Variants in PRR5 observed in about 807,000 individuals in gnomAD.
PRR5 encodes the protein proline-rich protein 5.
A neutral mutation model predicts 30.6 loss-of-function variants in PRR5; 25 were observed. The ratio of observed to expected loss-of-function variants is 0.82; its 90% confidence interval spans 0.60 to 1.14. The LOEUF (loss-of-function observed/expected upper bound fraction) is 1.14. Ranked by LOEUF, PRR5 falls within the 50% of genes most tolerant of loss-of-function variation. The pLI is 0.00. For synonymous variants in PRR5, 286 were observed against 247.1 expected (o/e 1.16, Z -1.48); for missense variants, 600 against 547.1 (o/e 1.10, Z -0.96).
At chr22:44,679,618 A>G in intron 1 of PRR5, 1 of 518,240 alleles carries the variant, frequency 1.9e-6, no homozygotes, top group East Asian at 3.3e-5. Context: ...GAGGGAGGAG[A>G]AGCACTTGAA....
intron 6 of PRR5, 81 bp downstream of exon 6, chr22:44,732,472 A>G: frequency 1.3e-6 from 2 of 1,532,012 alleles, no homozygotes; most frequent in African/African-American, 2.7e-5. Context: ...AGAGCATGAG[A>G]TGAGGATTTA....
chr22:44,679,728 A>C (rs1423756593), intron 1 of PRR5: 5 of 1,270,918 alleles, frequency 3.9e-6, no homozygotes, highest in Non-Finnish European at 5.5e-6. Context: ...AATAACAATA[A>C]TAGTAAGACT....
At chr22:44,675,191 C>T (rs1441081597), upstream of PRR5, among the ~76,000 whole-genome samples, 1 of 129,334 alleles carries the variant, frequency 7.7e-6, no homozygotes, top group Admixed American at 7.8e-5. Context: ...CAGAGGTTGC[C>T]GTGAGCCGAG....
intron 2 of PRR5, among the ~76,000 whole-genome samples, chr22:44,717,320 TAGCTGGG>T (rs1265555771): frequency 3.3e-5 from 5 of 150,996 alleles, no homozygotes; most frequent in African/African-American, 1.2e-4. Flanking sequence ...GCCTCCTGAG[TAGCTGGG>T]ATTACAGGCA....
chr22:44,694,084 G>A (rs1282156519), intron 1 of PRR5, among the ~76,000 whole-genome samples: 4 of 152,162 alleles, frequency 2.6e-5, no homozygotes, highest in Non-Finnish European at 4.4e-5. Flanking sequence ...GTCTTTGGAG[G>A]ACACAATTCA....
chr22:44,735,753 C>G (rs1195233533), intron 7 of PRR5, among the ~76,000 whole-genome samples: 3 of 152,214 alleles, frequency 2.0e-5, no homozygotes, highest in Non-Finnish European at 4.4e-5. Flanking sequence ...TAGCTGGAAG[C>G]TGGGAGCATC....
At chr22:44,730,089 C>T in intron 4 of PRR5, 1 of 985,424 alleles carries the variant, frequency 1.0e-6, no homozygotes, top group Non-Finnish European at 1.2e-6. Context: ...AGCTCGGCCC[C>T]AGCCCCCAGG....
chr22:44,690,649 G>A (rs1925156641), intron 1 of PRR5, among the ~76,000 whole-genome samples: 1 of 152,220 alleles, frequency 6.6e-6, no homozygotes, highest in South Asian at 2.1e-4. Context: ...CATCTATTAA[G>A]TGGTGAAGCC....
At chr22:44,709,836 A>T (rs1927879327) in intron 1 of PRR5, among the ~76,000 whole-genome samples, 1 of 152,064 alleles carries the variant, frequency 6.6e-6, no homozygotes, top group African/African-American at 2.4e-5. Context: ...TAGGTGACAG[A>T]ACGAGACTCC....
At chr22:44,734,926 G>T in intron 6 of PRR5, 101 bp from the exon 7 acceptor site, 1 of 1,427,496 alleles carries the variant, frequency 7.0e-7, no homozygotes. Context: ...GAGGCGGGAG[G>T]CAGAGGACAG....
chr22:44,730,943 G>T, intron 4 of PRR5: 1 of 454,572 alleles, frequency 2.2e-6, no homozygotes, highest in Non-Finnish European at 4.6e-6. Context: ...GTCATGTGAT[G>T]GATGGGCAGC....
At chr22:44,679,761 T>G in intron 1 of PRR5, 1 of 1,534,026 alleles carries the variant, frequency 6.5e-7, no homozygotes, top group Non-Finnish European at 8.9e-7. Context: ...TCTGGGACAC[T>G]CAGTCTGATG....
upstream of PRR5, among the ~76,000 whole-genome samples, chr22:44,674,209 C>T (rs1923582743): frequency 6.6e-6 from 1 of 151,794 alleles, no homozygotes; most frequent in Non-Finnish European, 1.5e-5. Flanking sequence ...GGCTGGAGTG[C>T]AGTGGCACAA....
intron 2 of PRR5, among the ~76,000 whole-genome samples, chr22:44,722,473 C>T (rs539571921): frequency 2.1e-4 from 32 of 152,360 alleles, no homozygotes; most frequent in African/African-American, 7.0e-4. Flanking sequence ...GGAGCCACCT[C>T]CATCCCAGCA....
At chr22:44,678,710 C>T (rs1246700754) in intron 1 of PRR5, among the ~76,000 whole-genome samples, 1 of 152,212 alleles carries the variant, frequency 6.6e-6, no homozygotes, top group African/African-American at 2.4e-5. Context: ...CCCACGGCCC[C>T]CTCAGTGCCA....
intron 6 of PRR5, among the ~76,000 whole-genome samples, chr22:44,733,235 G>A (rs949642852): frequency 5.9e-5 from 9 of 152,336 alleles, no homozygotes; most frequent in African/African-American, 1.4e-4. Flanking sequence ...TTCTGCACAC[G>A]GCCCTTCCCA....
At chr22:44,681,503 G>A (rs768923021) in intron 1 of PRR5, among the ~76,000 whole-genome samples, 8 of 151,756 alleles carry the variant, frequency 5.3e-5, no homozygotes, top group Admixed American at 1.3e-4. Flanking sequence ...CGGGAGAATC[G>A]CTTGAAACCG....
intron 1 of PRR5, among the ~76,000 whole-genome samples, chr22:44,711,010 T>C (rs1928135986): frequency 6.6e-6 from 1 of 151,936 alleles, no homozygotes; most frequent in Admixed American, 6.5e-5. Context: ...CTCGGCCGAG[T>C]TACCCAGCCC....
intron 1 of PRR5, among the ~76,000 whole-genome samples, chr22:44,710,292 C>G (rs938347576): frequency 1.8e-4 from 27 of 148,406 alleles, no homozygotes; most frequent in Middle Eastern, 3.5e-3. Flanking sequence ...TGCACCCCCC[C>G]CCCAGCGCTC....
Sources: gnomAD v4.1 joint callset for allele counts (sites outside exome capture counted in the v4.1 genomes callset) on GRCh38, gnomAD v4.1.1 for gene constraint, MANE v1.5 for transcripts, NCBI Gene and HGNC (gene_info 2026-07-23, HGNC 2026-07-21) for gene names.